OPN3: variants seen among roughly 807,000 people sequenced by gnomAD.
OPN3 encodes opsin-3.
OPN3 carries 29 observed loss-of-function variants against 33.8 expected under a neutral mutation model. That is an observed-to-expected ratio of 0.86 (90% CI 0.64 to 1.17). OPN3 has a LOEUF of 1.17. Among genes scored for constraint, OPN3 ranks in the 50% most tolerant of loss-of-function variants. The pLI, the probability that OPN3 is intolerant of heterozygous loss-of-function variation, is 0.00. For missense variants in OPN3, 437 were observed against 514.1 expected, an observed-to-expected ratio of 0.85 and a Z score of 1.45; for synonymous variants, 216 against 216.1, an observed-to-expected ratio of 1.00 and a Z score of 0.00.
At chr1:241,637,785 C>G (rs1382790812) in intron 1 of OPN3, among the ~76,000 whole-genome samples, 1 of 152,212 alleles carries the variant, frequency 6.6e-6, no homozygotes, top group Non-Finnish European at 1.5e-5. Flanking sequence ...CCGCACAATG[C>G]ATGAGTCGCA....
intron 3 of OPN3, 157 bp from the exon 4 acceptor site, chr1:241,594,848 T>A (rs1236436564): frequency 1.4e-6 from 1 of 719,244 alleles, no homozygotes; most frequent in Non-Finnish European, 2.3e-6. Context: ...TCTACCTAAA[T>A]CACCCCAGAG....
chr1:241,634,837 A>G, intron 1 of OPN3: 1 of 1,612,762 alleles, frequency 6.2e-7, no homozygotes, highest in Non-Finnish European at 8.5e-7. Context: ...ATTCATCAGG[A>G]TGTTGTTCAT....
chr1:241,621,694 G>A (rs1329775644), intron 1 of OPN3, among the ~76,000 whole-genome samples: 1 of 152,148 alleles, frequency 6.6e-6, no homozygotes, highest in Non-Finnish European at 1.5e-5. Flanking sequence ...GTTCAAAGAT[G>A]TTGAAGTTAT....
intron 1 of OPN3, among the ~76,000 whole-genome samples, chr1:241,608,473 A>G (rs567232695): frequency 6.6e-6 from 1 of 152,334 alleles, no homozygotes; most frequent in South Asian, 2.1e-4. Flanking sequence ...AAATCAAACA[A>G]GCAAATCAGT....
Position 241,640,303 on chromosome 1 carries a change from G to A in OPN3, c.-49C>T. ...GGGCGGAGGCGCTCAGCTTGCGGCG[G>A]GGCTCGCGGCGCGCTCCGCACTGGG... is the stretch of plus-strand genomic sequence containing the variant. On this transcript the variant is annotated 5_prime_UTR_variant, in exon 1 of 4. Transcript: ENST00000366554. The A allele has an allele frequency of 1.8e-6, 2 of 1,114,886 alleles. No homozygotes were observed. Among genetic ancestry groups the A allele is most frequent in the South Asian group, 4.4e-5 (1 of 22,710 alleles). The allele number at this position is 1,114,886 out of a possible 1,614,324, so 69.1% of individuals were successfully genotyped here. A position where few individuals can be genotyped will look rare whatever the true frequency, so the allele number is the denominator to read the frequency against.
intron 1 of OPN3, among the ~76,000 whole-genome samples, chr1:241,636,952 G>GT (rs1174919172): frequency 1.1e-5 from 1 of 94,528 alleles, no homozygotes; most frequent in Non-Finnish European, 2.5e-5. Context: ...TGAAGGGGAA[G>GT]TTTAAAAAAA....
intron 1 of OPN3, chr1:241,630,868 C>G (rs1282721726): frequency 6.6e-6 from 1 of 152,008 alleles, no homozygotes; most frequent in Admixed American, 6.6e-5. Context: ...AATGGCTGTT[C>G]TGCTTAACAC....
chr1:241,621,755 G>C (rs931470454), intron 1 of OPN3, among the ~76,000 whole-genome samples: 4 of 152,104 alleles, frequency 2.6e-5, no homozygotes, highest in Non-Finnish European at 4.4e-5. Context: ...CTCAGGATTG[G>C]AACAGATCAA....
At chr1:241,624,535 T>C (rs1323745351) in intron 1 of OPN3, among the ~76,000 whole-genome samples, 1 of 152,216 alleles carries the variant, frequency 6.6e-6, no homozygotes, top group Non-Finnish European at 1.5e-5. Context: ...CACAGCCTGA[T>C]TAATATGGTG....
intron 1 of OPN3, among the ~76,000 whole-genome samples, chr1:241,627,785 G>T (rs1478169729): frequency 6.6e-6 from 1 of 152,120 alleles, no homozygotes; most frequent in African/African-American, 2.4e-5. Context: ...ATAAAAATCT[G>T]AAAATTTTCA....
At chr1:241,623,165 C>A (rs1023909111) in intron 1 of OPN3, among the ~76,000 whole-genome samples, 1 of 152,088 alleles carries the variant, frequency 6.6e-6, no homozygotes, top group African/African-American at 2.4e-5. Context: ...GTTACTATGC[C>A]AAATCAGGCA....
chr1:241,606,057 G>A (rs1040070277), intron 1 of OPN3, among the ~76,000 whole-genome samples: 3 of 152,034 alleles, frequency 2.0e-5, no homozygotes, highest in South Asian at 2.1e-4. Flanking sequence ...TGTAAAACAC[G>A]ATTGGAGGCC....
intron 1 of OPN3, 52 bp from the exon 2 acceptor site, chr1:241,604,631 C>T (rs746039387): frequency 1.4e-6 from 2 of 1,476,728 alleles, no homozygotes; most frequent in Admixed American, 3.9e-5. Flanking sequence ...GGAAACCGGG[C>T]ATAAGAGACG....
chr1:241,593,521 A>G lies in OPN3; in HGVS notation c.*907T>C. On this transcript the variant is annotated 3_prime_UTR_variant, in exon 4 of 4. Coordinates refer to ENST00000366554, the MANE Select transcript of OPN3 (RefSeq NM_014322.3). ...CCTTGAGTTCTAATAATCCATGTTC[A>G]GTTTGTAGGGAAAGAAAAAATAATT... 3.6e-6 allele frequency: 1 copy of G among 278,354 alleles called. No individual in the cohort carries two copies. The highest frequency in any genetic ancestry group is 3.7e-5 in the South Asian group (1 of 27,370). 17.2% of individuals were successfully genotyped at this position (278,354 alleles called of 1,614,324 possible). A position where few individuals can be genotyped will look rare whatever the true frequency, so the allele number is the denominator to read the frequency against.
In OPN3 at chr1:241,640,002, G is replaced by A. The variant is rs1665055605; in HGVS notation, c.253C>T (p.Leu85Phe). ...PTHLLLVNISLSDLLVSLFGV... is the reference protein window; with the variant it reads ...PTHLLLVNISFSDLLVSLFGV... ...AAGAGGGACACCAGCAGGTCGCTGA[G>A]GCTGATGTTGACCAGGAGGAGGTGA... Residue 85 changes from leucine to phenylalanine, a missense_variant, in exon 1 of 4, where the codon CTC becomes TTC. Transcript: ENST00000366554. 6.2e-7 allele frequency: 1 copy of A among 1,613,248 alleles called. No individual in the cohort carries two copies. Among genetic ancestry groups the A allele is most frequent in the South Asian group, 1.1e-5 (1 of 90,992 alleles).
chr1:241,607,560 GAAGAAAGA>G (rs367761048), intron 1 of OPN3, among the ~76,000 whole-genome samples: 1 of 88,090 alleles, frequency 1.1e-5, no homozygotes. Context: ...AGGAAGGAAG[GAAGAAAGA>G]AAGAAAGAAA....
intron 1 of OPN3, among the ~76,000 whole-genome samples, chr1:241,617,441 C>A (rs887912524): frequency 1.3e-5 from 2 of 152,162 alleles, no homozygotes; most frequent in African/African-American, 4.8e-5. Context: ...TGAAAAAAAT[C>A]CGATATCCCA....
At chr1:241,633,577 T>G in intron 1 of OPN3, 1 of 569,432 alleles carries the variant, frequency 1.8e-6, no homozygotes, top group Non-Finnish European at 3.0e-6. Flanking sequence ...CTGGGTCATA[T>G]AGCCCATTCT....
At chr1:241,630,636 T>G (rs1446340758) in intron 1 of OPN3, 1 of 152,076 alleles carries the variant, frequency 6.6e-6, no homozygotes, top group Non-Finnish European at 1.5e-5. Context: ...TTTAACCATA[T>G]ATAAAAATAG....
Sources: gnomAD v4.1 joint callset for allele counts (sites outside exome capture counted in the v4.1 genomes callset) on GRCh38, gnomAD v4.1.1 for gene constraint, MANE v1.5 for transcripts, NCBI Gene and HGNC (gene_info 2026-07-23, HGNC 2026-07-21) for gene names.